Variants in CAMK2D observed in about 807,000 individuals in gnomAD.
The protein encoded by CAMK2D is calcium/calmodulin-dependent protein kinase type II subunit delta.
A neutral mutation model predicts 84.0 loss-of-function variants in CAMK2D; 37 were observed. That is an observed-to-expected ratio of 0.44 (90% CI 0.34 to 0.58). The LOEUF is 0.58. Among genes scored for constraint, CAMK2D ranks in the 20% least tolerant of loss-of-function variants. The probability of loss-of-function intolerance (pLI) is 0.02; values close to 1 mark genes in which losing one functional copy is unlikely to be tolerated. For missense variants in CAMK2D, 448 were observed against 652.5 expected (o/e 0.69, Z 3.41); for synonymous variants, 202 against 212.5 (o/e 0.95, Z 0.43).
intron 6 of CAMK2D, among the ~76,000 whole-genome samples, chr4:113,538,432 C>T (rs193047644): frequency 1.0e-3 from 158 of 152,166 alleles, no homozygotes; most frequent in Middle Eastern, 0.01. Context: ...CAACCCCAAA[C>T]TCGATAAATA....
Position 113,493,789 on chromosome 4 carries a change from G to A in CAMK2D, c.1135+6674C>T, listed in dbSNP as rs1434327327. On this transcript the variant is annotated intron_variant, in intron 16 of 20. Coordinates refer to ENST00000511664, the MANE Select transcript of CAMK2D (RefSeq NM_001321571.2). ...TCACTTTCAGGTACACCAATCAGACGTAGATTTGGTCTTTTCACATAGTCC... is the reference window on the plus strand; with the variant it reads ...TCACTTTCAGGTACACCAATCAGACATAGATTTGGTCTTTTCACATAGTCC... Among the ~76,000 whole-genome samples the A allele has an allele frequency of 1.1e-3, 160 of 151,436 alleles. 1 individual carries two copies. Among genetic ancestry groups the A allele is most frequent in the African/African-American group, 3.6e-3 (147 of 41,360 alleles).
At chr4:113,529,696 T>C (rs2098445285) in intron 8 of CAMK2D, among the ~76,000 whole-genome samples, 1 of 152,204 alleles carries the variant, frequency 6.6e-6, no homozygotes, top group South Asian at 2.1e-4. Flanking sequence ...CTGCATAGGA[T>C]ACTGTTTTTG....
chr4:113,606,160 T>C (rs2098975944), intron 4 of CAMK2D, among the ~76,000 whole-genome samples: 1 of 151,566 alleles, frequency 6.6e-6, no homozygotes, highest in Non-Finnish European at 1.5e-5. Context: ...AAATGAAAAA[T>C]ATAACTGACA....
intron 2 of CAMK2D, among the ~76,000 whole-genome samples, chr4:113,731,235 G>A (rs912020576): frequency 2.0e-5 from 3 of 152,152 alleles, no homozygotes; most frequent in Non-Finnish European, 2.9e-5. Flanking sequence ...CTAAGGGTTA[G>A]GAGAACTAAG....
At chr4:113,502,147 T>G (rs2098056502) in intron 15 of CAMK2D, among the ~76,000 whole-genome samples, 1 of 151,992 alleles carries the variant, frequency 6.6e-6, no homozygotes, top group African/African-American at 2.4e-5. Flanking sequence ...TAATAATATA[T>G]GAAAAGTAAG....
rs79997536 is a variant in CAMK2D, at chr4:113,584,412, G to A, written c.275+24740C>T. 4.8e-3 allele frequency among the ~76,000 whole-genome samples: 737 copies of A among 152,316 alleles called. 8 individuals carry two copies. Among genetic ancestry groups the A allele is most frequent in the African/African-American group, 0.017 (714 of 41,566 alleles). On this transcript the variant is annotated intron_variant, in intron 4 of 20. Transcript: ENST00000511664. Reference sequence around the variant, plus strand: ...GTTCCTGAGCTTCTCTCTTCACCCCGATGATGAGGAGAGAAAACACAGGAC... The same window carrying A: ...GTTCCTGAGCTTCTCTCTTCACCCCAATGATGAGGAGAGAAAACACAGGAC...
intron 19 of CAMK2D, 44 bp downstream of exon 19, chr4:113,457,291 C>G: frequency 6.2e-7 from 1 of 1,609,312 alleles, no homozygotes; most frequent in Middle Eastern, 1.7e-4. Context: ...AGGAGCTGAC[C>G]ATGGGTGTAT....
At chr4:113,557,990 C>T (rs1296793105) in intron 4 of CAMK2D, among the ~76,000 whole-genome samples, 1 of 152,184 alleles carries the variant, frequency 6.6e-6, no homozygotes, top group African/African-American at 2.4e-5. Flanking sequence ...CCTTTGGTCC[C>T]TGAGATGTAC....
intron 2 of CAMK2D, among the ~76,000 whole-genome samples, chr4:113,662,168 T>C (rs1477938515): frequency 6.6e-6 from 1 of 152,182 alleles, no homozygotes; most frequent in Non-Finnish European, 1.5e-5. Flanking sequence ...GAATAAGTGC[T>C]AAGTCAGGTA....
chr4:113,634,868 T>C (rs1329627126), intron 3 of CAMK2D, among the ~76,000 whole-genome samples: 1 of 152,160 alleles, frequency 6.6e-6, no homozygotes, highest in Non-Finnish European at 1.5e-5. Context: ...TACCAAGGAC[T>C]TGAACTTATA....
intron 2 of CAMK2D, among the ~76,000 whole-genome samples, chr4:113,733,864 A>T (rs574718240): frequency 6.6e-6 from 1 of 152,222 alleles, no homozygotes; most frequent in Non-Finnish European, 1.5e-5. Flanking sequence ...TCTGACTTTT[A>T]AAATACATAC....
At chr4:113,603,353 C>CCCT (rs1271258364) in intron 4 of CAMK2D, among the ~76,000 whole-genome samples, 2 of 94,274 alleles carry the variant, frequency 2.1e-5, no homozygotes, top group Non-Finnish European at 4.2e-5. Context: ...CTAAAGCTAT[C>CCCT]CCTCCCCCCT....
intron 3 of CAMK2D, among the ~76,000 whole-genome samples, chr4:113,648,597 A>G (rs149420247): frequency 3.9e-5 from 6 of 152,312 alleles, no homozygotes; most frequent in African/African-American, 1.2e-4. Flanking sequence ...TAGTGGACAG[A>G]ATGGGGGGAA....
chr4:113,548,727 T>C, intron 5 of CAMK2D: 1 of 1,545,150 alleles, frequency 6.5e-7, no homozygotes, highest in Non-Finnish European at 8.9e-7. Context: ...CTGTATACAA[T>C]GACTGCAAAG....
At chr4:113,679,671 A>T (rs2099333767) in intron 2 of CAMK2D, among the ~76,000 whole-genome samples, 1 of 152,118 alleles carries the variant, frequency 6.6e-6, no homozygotes, top group South Asian at 2.1e-4. Context: ...GTAAACTGTG[A>T]ATTAAAGAAC....
At chr4:113,576,069 T>C (rs928340561) in intron 4 of CAMK2D, among the ~76,000 whole-genome samples, 2 of 152,150 alleles carry the variant, frequency 1.3e-5, no homozygotes, top group Non-Finnish European at 2.9e-5. Flanking sequence ...TTCTCCCTCT[T>C]GTCACCCAGG....
chr4:113,572,074 A>AAAAG (rs541562942), intron 4 of CAMK2D, among the ~76,000 whole-genome samples: 6 of 79,278 alleles, frequency 7.6e-5, no homozygotes, highest in African/African-American at 3.5e-4. Context: ...CAGTTTTCAT[A>AAAAG]AAAAAAAAAA....
chr4:113,465,903 TGTTTGAAAACAACA>T (rs974445634), intron 16 of CAMK2D, among the ~76,000 whole-genome samples: 1 of 152,198 alleles, frequency 6.6e-6, no homozygotes, highest in African/African-American at 2.4e-5. Flanking sequence ...ATTTTCCATT[TGTTTGAAAACAACA>T]GTCACCTGAA....
In CAMK2D at chr4:113,455,777, G is replaced by T. The variant is rs35765784; in HGVS notation, c.1580C>A (p.Thr527Asn). 6.2e-7 allele frequency: 1 copy of T among 1,612,442 alleles called. No individual in the cohort carries two copies. The highest frequency in any genetic ancestry group is 1.1e-5 in the South Asian group (1 of 91,020). The change falls in exon 20 of 21, where the codon ACC (threonine) becomes AAC (asparagine). Residue 527 changes from threonine (T) to asparagine (N), a missense_variant. Physicochemically the swap from Thr to Asn is moderately conservative, Grantham distance 65. Transcript: ENST00000511664. ...GCCTTAGATGTTTTGCCACAAAGAGGTGCCTCCTGAGAAGTTTTCTTTCCC... is the reference window on the plus strand; with the variant it reads ...GCCTTAGATGTTTTGCCACAAAGAGTTGCCTCCTGAGAAGTTTTCTTTCCC... ...PNGKENFSGG[T>N]SLWQNI is the part of the protein sequence containing the mutation.
Sources: allele counts gnomAD v4.1 joint callset (sites outside exome capture counted in the v4.1 genomes callset), GRCh38; gene constraint gnomAD v4.1.1; transcripts MANE v1.5; gene names NCBI Gene and HGNC (gene_info 2026-07-23, HGNC 2026-07-21).